PCDH17: variants seen among roughly 807,000 people sequenced by gnomAD.
PCDH17 encodes the protein protocadherin-17.
In PCDH17, 21 loss-of-function variants were observed where a neutral mutation model predicts 67.7. The ratio of observed to expected loss-of-function variants is 0.31; its 90% confidence interval spans 0.22 to 0.45. The LOEUF is 0.45. Among genes scored for constraint, PCDH17 ranks in the 20% least tolerant of loss-of-function variants. The pLI is 1.00. For missense variants in PCDH17, 1,471 were observed against 1,564.8 expected (o/e 0.94, Z 1.01); for synonymous variants, 701 against 656.7 (o/e 1.07, Z -1.03).
chr13:57,708,520 G>A (rs752792671), intron 3 of PCDH17, among the ~76,000 whole-genome samples: 9 of 151,956 alleles, frequency 5.9e-5, no homozygotes, highest in African/African-American at 1.4e-4. Context: ...AAACATGTGC[G>A]TGAGGCAGAC....
In PCDH17 at chr13:57,678,121, A is replaced by G. The variant is rs1955412658; in HGVS notation, c.2797+11288A>G. ...AGTTTTTAATTAGCCAGATTTAACT[A>G]TTTCACTCTCTCTCTCTATCTCCAT... On this transcript the variant is annotated intron_variant, in intron 3 of 3. Coordinates refer to ENST00000377918, the MANE Select transcript of PCDH17 (RefSeq NM_001040429.3). Among the ~76,000 whole-genome samples the G allele has an allele frequency of 2.0e-5, 3 of 147,958 alleles. No homozygotes were observed. The South Asian group carries it at 6.4e-4, about 32-fold the overall frequency.
intron 3 of PCDH17, among the ~76,000 whole-genome samples, chr13:57,696,704 T>G (rs145058413): frequency 1.3e-5 from 2 of 151,726 alleles, no homozygotes; most frequent in African/African-American, 4.8e-5. Flanking sequence ...TTAGGGGTTC[T>G]GTTTTTTAAG....
intron 1 of PCDH17, among the ~76,000 whole-genome samples, chr13:57,642,520 T>C (rs975057562): frequency 1.3e-5 from 2 of 151,668 alleles, no homozygotes; most frequent in Non-Finnish European, 3.0e-5. Context: ...ACAAGTAATT[T>C]CTTTGCAACA....
chr13:57,701,973 A>G (rs1055772893), intron 3 of PCDH17, among the ~76,000 whole-genome samples: 2 of 151,996 alleles, frequency 1.3e-5, no homozygotes, highest in African/African-American at 4.8e-5. Flanking sequence ...GCTGGAGTGC[A>G]GTGGCATGAT....
In PCDH17 at chr13:57,634,306, C is replaced by A. The variant is rs1954783369; in HGVS notation, c.1760C>A (p.Thr587Lys). ...NDNAPVIVLP[T>K]LQNDTAELQV... is the part of the protein sequence containing the mutation. ...AACGCGCCAGTGATCGTGCTCCCCA[C>A]GCTGCAGAACGACACCGCGGAGCTG... is the stretch of plus-strand genomic sequence containing the variant. Residue 587 changes from threonine to lysine, a missense_variant, in exon 1 of 4, where the codon ACG becomes AAG. Thr to Lys is a moderately conservative substitution (Grantham distance 78). Transcript: ENST00000377918. This position sits in a 1 kb window ranked among gnomAD's most constrained non-coding sequence, Gnocchi z 7.8. The A allele has an allele frequency of 2.5e-6, 4 of 1,612,924 alleles. No homozygotes were observed. The highest frequency in any genetic ancestry group is 2.2e-5 in the East Asian group (1 of 44,830).
chr13:57,643,594 A>G (rs1169621250), intron 1 of PCDH17, among the ~76,000 whole-genome samples: 2 of 151,634 alleles, frequency 1.3e-5, no homozygotes, highest in Non-Finnish European at 3.0e-5. Flanking sequence ...CATCTATTTT[A>G]AAATAGTATA....
At chr13:57,690,428 G>T (rs1364537236) in intron 3 of PCDH17, among the ~76,000 whole-genome samples, 4 of 151,636 alleles carry the variant, frequency 2.6e-5, no homozygotes, top group Non-Finnish European at 5.9e-5. Flanking sequence ...GTAATAAAGA[G>T]TGTAGGAGAT....
chr13:57,671,004 G>A (rs1253124151), intron 3 of PCDH17, among the ~76,000 whole-genome samples: 1 of 151,876 alleles, frequency 6.6e-6, no homozygotes, highest in African/African-American at 2.4e-5. Context: ...TTAGTAGAAA[G>A]AGGTTATTTT....
Position 57,635,084 on chromosome 13 carries a change from C to G in PCDH17, c.2538C>G (p.Thr846=). The change falls in exon 1 of 4, where the codon ACC becomes ACG. Residue 846 remains threonine, a synonymous_variant. Coordinates refer to ENST00000377918, the MANE Select transcript of PCDH17 (RefSeq NM_001040429.3). ...GACAAGGGACTAATGCAAGCGAGAC[C>G]CCTGCCACTCGGATGTCCATAATTC... ...FTGQGTNASE[T]PATRMSIIQT... is the part of the protein sequence containing the mutation. The G allele has an allele frequency of 6.2e-7, 1 of 1,613,486 alleles. No homozygotes were observed. Among genetic ancestry groups the G allele is most frequent in the Non-Finnish European group, 8.5e-7 (1 of 1,179,984 alleles).
intron 3 of PCDH17, among the ~76,000 whole-genome samples, chr13:57,675,499 T>C (rs1429221918): frequency 6.6e-6 from 1 of 151,912 alleles, no homozygotes; most frequent in African/African-American, 2.4e-5. Flanking sequence ...GTAAGACATG[T>C]CCACAAAATT....
chr13:57,638,424 C>T (rs1424724531), intron 1 of PCDH17, among the ~76,000 whole-genome samples: 1 of 152,014 alleles, frequency 6.6e-6, no homozygotes, highest in Non-Finnish European at 1.5e-5. Flanking sequence ...GGAGACTTCC[C>T]AGTTTTGTTT....
intron 3 of PCDH17, among the ~76,000 whole-genome samples, chr13:57,667,899 T>A (rs1593913827): frequency 1.3e-5 from 2 of 148,358 alleles, no homozygotes; most frequent in South Asian, 2.1e-4. Flanking sequence ...ATATATTTTT[T>A]AAAACAAAAT....
At position 57,727,111 on chromosome 13, in the gene PCDH17, A is replaced by G. The variant is rs965082770; in HGVS notation, c.*1817A>G. 2 of 152,606 alleles carry G rather than the reference A, an allele frequency of 1.3e-5. No individual in the cohort carries two copies. Among genetic ancestry groups the G allele is most frequent in the Non-Finnish European group, 2.9e-5 (2 of 68,018 alleles). 9.5% of individuals were successfully genotyped at this position (152,606 alleles called of 1,614,324 possible). On this transcript the variant is annotated 3_prime_UTR_variant, in exon 4 of 4. Transcript: ENST00000377918. ...TTCAGGAATTGGGAAAAATAAAATT[A>G]GCACTTGCAGAAGTAGCAGCAGATG...
chr13:57,667,569 A>G (rs1955269473), intron 3 of PCDH17, among the ~76,000 whole-genome samples: 1 of 151,970 alleles, frequency 6.6e-6, no homozygotes, highest in Non-Finnish European at 1.5e-5. Context: ...TTTATGTCCT[A>G]TTGTAAAAAG....
intron 1 of PCDH17, among the ~76,000 whole-genome samples, chr13:57,640,259 T>C (rs182977295): frequency 4.9e-4 from 74 of 152,086 alleles, no homozygotes; most frequent in African/African-American, 1.6e-3. Context: ...TCTACAAATA[T>C]AAAGGGCATA....
intron 3 of PCDH17, among the ~76,000 whole-genome samples, chr13:57,686,227 C>T (rs1955506393): frequency 6.6e-6 from 1 of 152,062 alleles, no homozygotes; most frequent in Non-Finnish European, 1.5e-5. Context: ...GTAGTTGGAA[C>T]TTTCTGTAGT....
In PCDH17 at chr13:57,670,311, G is replaced by T. The variant is rs1281376846; in HGVS notation, c.2797+3478G>T. Among the ~76,000 whole-genome samples the T allele has an allele frequency of 4.0e-5, 6 of 151,846 alleles. No individual in the cohort carries two copies. In the East Asian group the frequency reaches 1.2e-3, roughly 29 times the overall value. ...ATAAATAACAACTTCCTTTATAGAT[G>T]AGAGATGATGACAGCCATATCCAAA... is the stretch of plus-strand genomic sequence containing the variant. On this transcript the variant is annotated intron_variant, in intron 3 of 3. Coordinates refer to ENST00000377918, the MANE Select transcript of PCDH17 (RefSeq NM_001040429.3).
intron 3 of PCDH17, among the ~76,000 whole-genome samples, chr13:57,697,812 G>C (rs1351352739): frequency 6.6e-6 from 1 of 151,214 alleles, no homozygotes; most frequent in Non-Finnish European, 1.5e-5. Context: ...GTTGGAAAAG[G>C]AGTCAGTAAC....
rs775813064 is a variant in PCDH17, at chr13:57,633,218, C to T, written c.672C>T (p.Ser224=). The stretch of plus-strand genomic sequence containing the variant: ...TGGACGGTGGCGAGCCTCCACGTTC[C>T]GCCACCGTACAGATCAACGTGAAGG... ...TALDGGEPPR[S]ATVQINVKVI... is the part of the protein sequence containing the mutation. Residue 224 remains serine (S), a synonymous_variant, in exon 1 of 4, where the codon TCC becomes TCT. Coordinates refer to ENST00000377918, the MANE Select transcript of PCDH17 (RefSeq NM_001040429.3). The surrounding 1 kb of genome is among the most constrained non-coding windows in gnomAD (Gnocchi z 6.2). 4 of 1,613,294 alleles carry T rather than the reference C, an allele frequency of 2.5e-6. No homozygotes were observed. The Middle Eastern group carries it at 4.9e-4, about 200-fold the overall frequency.
Sources: allele counts gnomAD v4.1 joint callset (sites outside exome capture counted in the v4.1 genomes callset), GRCh38; gene constraint gnomAD v4.1.1; non-coding constraint Gnocchi (gnomAD v3.1); transcripts MANE v1.5; gene names NCBI Gene and HGNC (gene_info 2026-07-23, HGNC 2026-07-21).